ZNF292: variants seen among roughly 807,000 people sequenced by gnomAD.
ZNF292 encodes 16 zinc-finger domain protein.
A neutral mutation model predicts 217.9 loss-of-function variants in ZNF292; 26 were observed. The ratio of observed to expected loss-of-function variants is 0.12; its 90% CI spans 0.09 to 0.17. The LOEUF is 0.17. Among genes scored for constraint, ZNF292 ranks in the 10% least tolerant of loss-of-function variants. ZNF292 has a pLI of 1.00. For missense variants in ZNF292, 2,904 were observed against 3,175.2 expected (o/e 0.91, Z 2.05); for synonymous variants, 1,257 against 1,124.1 (o/e 1.12, Z -2.37).
At position 87,254,750 on chromosome 6, in the gene ZNF292, C is replaced by T. The variant is rs1424628136; in HGVS notation, c.1121C>T (p.Thr374Ile). Residue 374 changes from threonine to isoleucine, a missense_variant, in exon 8 of 8, where the codon ACC (threonine) becomes ATC (isoleucine). By Grantham distance (89) the Thr-to-Ile change is moderately conservative. Transcript: ENST00000369577. ...GAAGTGAAAATATCTATTTGCAAGA[C>T]CATTTCATGTTTGTTGCCTGATGAT... ...NTEVKISICK[T>I]ISCLLPDDLE... The T allele has an allele frequency of 1.2e-6, 2 of 1,613,804 alleles. No homozygotes were observed. The highest frequency in any genetic ancestry group is 1.7e-6 in the Non-Finnish European group (2 of 1,179,840).
chr6:87,205,965 A>G lies in ZNF292; in HGVS notation c.169-9938A>G, dbSNP rs1001723729. ...TTAATGTAAGCATTATCGCTCACTC[A>G]TCTGAGGTCTGGCTAAGTATCTGTT... On this transcript the variant is annotated intron_variant, in intron 1 of 7. Transcript: ENST00000369577. Among the ~76,000 whole-genome samples the G allele has an allele frequency of 2.0e-5, 3 of 152,336 alleles. No homozygotes were observed. In the East Asian group the frequency reaches 5.8e-4, roughly 29 times the overall value.
Position 87,257,206 on chromosome 6 carries a change from C to A in ZNF292, c.3577C>A (p.Pro1193Thr). 1 of 1,613,836 alleles carries A rather than the reference C, an allele frequency of 6.2e-7. No homozygotes were observed. Among genetic ancestry groups the A allele is most frequent in the South Asian group, 1.1e-5 (1 of 91,080 alleles). ...GCAGCATGTCTCGCCACCCATTTTT[C>A]CAGCTCATTTAGCAAGTGTGTCAAC... is the stretch of plus-strand genomic sequence containing the variant. ...QLQHVSPPIF[P>T]AHLASVSTPL... The change falls in exon 8 of 8, where the codon CCA becomes ACA. Residue 1193 changes from proline to threonine, a missense_variant. By Grantham distance (38) the Pro-to-Thr change is conservative. Transcript: ENST00000369577.
chr6:87,161,895 T>G (rs1770766094), intron 1 of ZNF292, among the ~76,000 whole-genome samples: 1 of 152,188 alleles, frequency 6.6e-6, no homozygotes, highest in Non-Finnish European at 1.5e-5. Flanking sequence ...CCAGAACTAG[T>G]TTGCTCTTTT....
intron 6 of ZNF292, among the ~76,000 whole-genome samples, chr6:87,243,858 G>A (rs997040687): frequency 8.5e-5 from 13 of 152,160 alleles, no homozygotes; most frequent in Admixed American, 4.6e-4. Flanking sequence ...AAATTTTTAA[G>A]TGTTAGAAAG....
At chr6:87,245,402 A>G (rs557242591) in intron 6 of ZNF292, 101 bp from the exon 7 acceptor site, 1 of 839,904 alleles carries the variant, frequency 1.2e-6, no homozygotes, top group African/African-American at 1.8e-5. Context: ...TAGGATTGGA[A>G]TATAAAACCA....
At position 87,256,540 on chromosome 6, in the gene ZNF292, C is replaced by A. The variant is rs757035901; in HGVS notation, c.2911C>A (p.His971Asn). Reference protein sequence around the residue: ...GSGEALVTDLHTPVEDTCNDL... With the variant: ...GSGEALVTDLNTPVEDTCNDL... ...TGGTGAAGCACTGGTCACAGACTTA[C>A]ATACGCCAGTTGAAGATACTTGTAA... The change falls in exon 8 of 8, where the codon CAT (histidine) becomes AAT (asparagine). Residue 971 changes from histidine to asparagine, a missense_variant. By Grantham distance (68) the His-to-Asn change is moderately conservative. Transcript: ENST00000369577. 1 of 1,613,278 alleles carries A rather than the reference C, an allele frequency of 6.2e-7. No individual in the cohort carries two copies. The highest frequency in any genetic ancestry group is 8.5e-7 in the Non-Finnish European group (1 of 1,179,830).
chr6:87,160,491 A>ATGTGTGTG (rs1260142601), intron 1 of ZNF292, among the ~76,000 whole-genome samples: 161 of 146,432 alleles, frequency 1.1e-3, no homozygotes, highest in African/African-American at 4.0e-3. Context: ...TTGTATATAT[A>ATGTGTGTG]TGTGTGTGTG....
intron 1 of ZNF292, among the ~76,000 whole-genome samples, chr6:87,199,158 C>T (rs1305848076): frequency 1.3e-5 from 2 of 152,184 alleles, no homozygotes; most frequent in Non-Finnish European, 2.9e-5. Flanking sequence ...TGTATACTCA[C>T]CAACACTTGA....
intron 1 of ZNF292, among the ~76,000 whole-genome samples, chr6:87,190,759 G>C (rs1582399785): frequency 1.3e-5 from 2 of 152,200 alleles, no homozygotes; most frequent in East Asian, 3.9e-4. Context: ...AAGAAGACTG[G>C]AGAAAAATTT....
intron 1 of ZNF292, among the ~76,000 whole-genome samples, chr6:87,208,925 A>G (rs994402356): frequency 2.0e-5 from 3 of 152,216 alleles, no homozygotes; most frequent in Admixed American, 2.0e-4. Context: ...TATTGCCCTG[A>G]AAAGTAAGAT....
At chr6:87,175,608 G>A (rs11962714) in intron 1 of ZNF292, among the ~76,000 whole-genome samples, 1,664 of 152,300 alleles carry the variant, frequency 0.011, 34 homozygotes, top group African/African-American at 0.037. Context: ...CAGAGTGCTA[G>A]GAGTACAGAT....
At chr6:87,216,167 C>A in intron 2 of ZNF292, 110 bp downstream of exon 2, 6 of 1,311,500 alleles carry the variant, frequency 4.6e-6, no homozygotes, top group South Asian at 1.4e-5. Flanking sequence ...AACATTAAAT[C>A]TCAAGTCTTA....
intron 5 of ZNF292, among the ~76,000 whole-genome samples, chr6:87,236,936 G>A (rs932685578): frequency 7.9e-5 from 12 of 152,136 alleles, no homozygotes; most frequent in Admixed American, 3.3e-4. Flanking sequence ...ACATACATCC[G>A]TGTATCCTTG....
chr6:87,247,938 T>G (rs940062885), intron 7 of ZNF292, among the ~76,000 whole-genome samples: 2 of 152,186 alleles, frequency 1.3e-5, no homozygotes, highest in East Asian at 3.8e-4. Context: ...ATTATACAGA[T>G]TAGACACAAC....
chr6:87,191,625 CTTTATAA>C (rs1309398443), intron 1 of ZNF292, among the ~76,000 whole-genome samples: 2 of 152,152 alleles, frequency 1.3e-5, no homozygotes, highest in Admixed American at 6.6e-5. Flanking sequence ...GTTTTTGAAG[CTTTATAA>C]TTTATAATTA....
At chr6:87,218,535 C>A in intron 3 of ZNF292, 61 bp from the exon 4 acceptor site, 2 of 1,381,080 alleles carry the variant, frequency 1.4e-6, no homozygotes, top group South Asian at 3.2e-5. Context: ...TATTTAAAGC[C>A]TGATAAGCTT....
intron 1 of ZNF292, among the ~76,000 whole-genome samples, chr6:87,177,199 TGCCTGTAATCCCA>T (rs748676835): frequency 5.1e-4 from 77 of 151,966 alleles, no homozygotes; most frequent in Non-Finnish European, 4.9e-4. Flanking sequence ...TGGTGGCACA[TGCCTGTAATCCCA>T]GCTACTCAGG....
chr6:87,237,238 C>CTGTT lies in ZNF292; in HGVS notation c.741+3725_741+3728dup, dbSNP rs200188191. Among the ~76,000 whole-genome samples the CTGTT allele has an allele frequency of 5.7e-4, 87 of 151,968 alleles. 1 individual carries two copies. Among genetic ancestry groups the CTGTT allele is most frequent in the African/African-American group, 1.4e-3 (60 of 41,462 alleles). On this transcript the variant is annotated intron_variant, in intron 5 of 7. Transcript: ENST00000369577. ...TTGATAAGCAAATCAATTTTTTAAACTGTTTGTTTGTTTGTTTTTTTGGAG... is the reference window on the plus strand; with the variant it reads ...TTGATAAGCAAATCAATTTTTTAAACTGTTTGTTTGTTTGTTTGTTTTTTTGGAG...
intron 5 of ZNF292, among the ~76,000 whole-genome samples, chr6:87,239,471 GCTGGCCGGGCGGGGGCTGCCCCCC>G (rs1562165524): frequency 1.4e-4 from 21 of 146,336 alleles, no homozygotes; most frequent in Non-Finnish European, 2.3e-4. Flanking sequence ...GGATGGGGCG[GCTGGCCGGGCGGGGGCTGCCCCCC>G]ACCTCCCTCC....
Sources: allele counts gnomAD v4.1 joint callset (sites outside exome capture counted in the v4.1 genomes callset), GRCh38; gene constraint gnomAD v4.1.1; transcripts MANE v1.5; gene names NCBI Gene and HGNC (gene_info 2026-07-23, HGNC 2026-07-21).